NPL: variants seen among roughly 807,000 people sequenced by gnomAD.
NPL encodes N-acetylneuraminate lyase.
Under a neutral mutation model 41.1 loss-of-function variants are expected in NPL, and 32 were observed. The observed-to-expected ratio is 0.78, with a 90% confidence interval of 0.59 to 1.05. The LOEUF (loss-of-function observed/expected upper bound fraction) is 1.05. Among genes scored for constraint, NPL ranks in the 50% least tolerant of loss-of-function variants. NPL has a pLI of 0.00. For missense variants in NPL, 321 were observed against 378.4 expected, an observed-to-expected ratio of 0.85 and a Z score of 1.26; for synonymous variants, 128 against 134.9, an observed-to-expected ratio of 0.95 and a Z score of 0.35.
intron 4 of NPL, among the ~76,000 whole-genome samples, chr1:182,805,848 T>C (rs1483871070): frequency 3.9e-5 from 6 of 152,202 alleles, no homozygotes; most frequent in African/African-American, 1.2e-4. Flanking sequence ...AACTGGGTAG[T>C]GTGTTTGGAG....
intron 3 of NPL, among the ~76,000 whole-genome samples, chr1:182,803,182 C>A (rs1666901173): frequency 6.6e-6 from 1 of 152,120 alleles, no homozygotes; most frequent in Non-Finnish European, 1.5e-5. Context: ...ATAATGGCCT[C>A]CAGCGATGAA....
intron 3 of NPL, among the ~76,000 whole-genome samples, chr1:182,803,491 G>A (rs1041816587): frequency 6.6e-6 from 1 of 152,168 alleles, no homozygotes; most frequent in African/African-American, 2.4e-5. Flanking sequence ...GCTCACAGAA[G>A]TGAGGCATAC....
In NPL at chr1:182,803,766, T is replaced by G. The variant is rs1666922411; in HGVS notation, c.137T>G (p.Ile46Ser). The G allele has an allele frequency of 5.6e-6, 9 of 1,609,592 alleles. No homozygotes were observed. The highest frequency in any genetic ancestry group is 7.7e-6 in the Non-Finnish European group (9 of 1,175,872). Residue 46 changes from isoleucine to serine, a missense_variant, in exon 4 of 13, where the codon ATT becomes AGT. Coordinates refer to ENST00000367553, the MANE Select transcript of NPL (RefSeq NM_030769.3). The stretch of plus-strand genomic sequence containing the variant: ...GTGAAAGAACAGGGAGTGAAGAACA[T>G]TTTTGGTAAGTCAACTCTGGGGATG... ...YLVKEQGVKN[I>S]FVNGTTGEGL...
chr1:182,823,097 G>A (rs539874609), intron 11 of NPL, among the ~76,000 whole-genome samples: 1 of 152,366 alleles, frequency 6.6e-6, no homozygotes, highest in East Asian at 1.9e-4. Flanking sequence ...AAGTAGGGTG[G>A]ATATGAGAGC....
intron 4 of NPL, among the ~76,000 whole-genome samples, chr1:182,804,188 T>G (rs1666936880): frequency 6.6e-6 from 1 of 152,200 alleles, no homozygotes; most frequent in African/African-American, 2.4e-5. Flanking sequence ...TGGAATGCAG[T>G]GGCACCATCA....
chr1:182,801,387 G>A (rs1666842155), intron 3 of NPL, among the ~76,000 whole-genome samples: 1 of 152,184 alleles, frequency 6.6e-6, no homozygotes, highest in African/African-American at 2.4e-5. Flanking sequence ...AGGGAGAGAG[G>A]TGAGGGTAGG....
chr1:182,790,882 A>T (rs770245631), intron 1 of NPL, among the ~76,000 whole-genome samples: 3 of 152,184 alleles, frequency 2.0e-5, no homozygotes, highest in Non-Finnish European at 4.4e-5. Flanking sequence ...ACCTCAGGTG[A>T]TCCGCCCACC....
chr1:182,804,842 TC>T (rs1264731555), intron 4 of NPL, among the ~76,000 whole-genome samples: 2 of 152,100 alleles, frequency 1.3e-5, no homozygotes, highest in African/African-American at 4.8e-5. Flanking sequence ...CCACTCAATG[TC>T]CCTCTACAGC....
At chr1:182,803,586 G>A in intron 3 of NPL, 112 bp from the exon 4 acceptor site, 1 of 753,512 alleles carries the variant, frequency 1.3e-6, no homozygotes, top group Non-Finnish European at 2.4e-6. Flanking sequence ...TTCACAAATT[G>A]AGTGGATTTT....
At chr1:182,796,498 A>T (rs1252364172) in intron 3 of NPL, among the ~76,000 whole-genome samples, 1 of 152,244 alleles carries the variant, frequency 6.6e-6, no homozygotes, top group African/African-American at 2.4e-5. Flanking sequence ...TGGCATGTAC[A>T]TATACATATC....
chr1:182,828,115 G>A lies in NPL; in HGVS notation c.779-609G>A, dbSNP rs1336186980. Among the ~76,000 whole-genome samples, 1 of 152,022 alleles carries A rather than the reference G, an allele frequency of 6.6e-6. No homozygotes were observed. The highest frequency in any genetic ancestry group is 1.5e-5 in the Non-Finnish European group (1 of 67,998). On this transcript the variant is annotated intron_variant, in intron 12 of 12. Transcript: ENST00000367553. The surrounding 1 kb of genome is among the most constrained non-coding windows in gnomAD (Gnocchi z 4.0). ...CTTTATCCCCAGACCAGTGGGCTGG[G>A]TTTTTTTCTATTGCTTTTTACAGAA...
At chr1:182,802,811 A>T (rs958423586) in intron 3 of NPL, among the ~76,000 whole-genome samples, 1 of 152,232 alleles carries the variant, frequency 6.6e-6, no homozygotes. Flanking sequence ...TCAGATCCTT[A>T]CAAGGTTAGT....
At position 182,829,074 on chromosome 1, in the gene NPL, G is replaced by A. The variant is rs1447698836; in HGVS notation, c.*166G>A. On this transcript the variant is annotated 3_prime_UTR_variant, in exon 13 of 13. Coordinates refer to ENST00000367553, the MANE Select transcript of NPL (RefSeq NM_030769.3). ...TGTGAGCCTTAAAAAGTCTTATTTT[G>A]TGAAGGGGCAAAAACTCTAGGAGTC... 2.3e-5 allele frequency: 33 copies of A among 1,443,724 alleles called. No homozygotes were observed. The highest frequency in any genetic ancestry group is 2.7e-5 in the Non-Finnish European group (30 of 1,105,486). 89.4% of individuals were successfully genotyped at this position (1,443,724 alleles called of 1,614,324 possible).
Position 182,825,834 on chromosome 1 carries a change from A to G in NPL, c.778+14A>G. ...TTGTCAAACTAGGTAAGTGCCACCC[A>G]TCTTCTGCTTTGTCTGCTGCTGGAG... is the stretch of plus-strand genomic sequence containing the variant. On this transcript the variant is annotated intron_variant, in intron 12 of 12. Coordinates refer to ENST00000367553, the MANE Select transcript of NPL (RefSeq NM_030769.3). The G allele has an allele frequency of 1.3e-6, 2 of 1,595,684 alleles. No homozygotes were observed. Among genetic ancestry groups the G allele is most frequent in the South Asian group, 1.1e-5 (1 of 90,680 alleles).
At chr1:182,803,443 G>A (rs1247998987) in intron 3 of NPL, among the ~76,000 whole-genome samples, 2 of 152,162 alleles carry the variant, frequency 1.3e-5, no homozygotes, top group African/African-American at 4.8e-5. Flanking sequence ...GTCATGAGGT[G>A]TAAATATAAA....
At chr1:182,810,021 A>G (rs1201713322) in intron 5 of NPL, 2 of 152,164 alleles carry the variant, frequency 1.3e-5, no homozygotes, top group Non-Finnish European at 2.9e-5. Flanking sequence ...ATCCTTTAAA[A>G]ATACAAACCT....
rs146992913 is a variant in NPL at position 182,829,691 on chromosome 1, C to G, written c.*783C>G. 1 of 1,448,628 alleles carries G rather than the reference C, an allele frequency of 6.9e-7. No homozygotes were observed. The highest frequency in any genetic ancestry group is 1.4e-5 in the African/African-American group (1 of 71,018). The allele number at this position is 1,448,628 out of a possible 1,614,324, so 89.7% of individuals were successfully genotyped here. A position where few individuals can be genotyped will look rare whatever the true frequency, so the allele number is the denominator to read the frequency against. Reference sequence around the variant, plus strand: ...CCTTCCTCCACTGAGAAGACTGTCTCTCCCGCAGGACCCTGAATTATTGAA... The same window carrying G: ...CCTTCCTCCACTGAGAAGACTGTCTGTCCCGCAGGACCCTGAATTATTGAA... On this transcript the variant is annotated 3_prime_UTR_variant, in exon 13 of 13. Transcript: ENST00000367553.
At chr1:182,811,511 G>T (rs1035271058) in intron 5 of NPL, among the ~76,000 whole-genome samples, 1 of 152,080 alleles carries the variant, frequency 6.6e-6, no homozygotes. Context: ...TTATAGATAT[G>T]AGCCACTGCA....
At chr1:182,811,499 G>A (rs535330091) in intron 5 of NPL, among the ~76,000 whole-genome samples, 1 of 152,186 alleles carries the variant, frequency 6.6e-6, no homozygotes, top group South Asian at 2.1e-4. Flanking sequence ...AAACTGCTGG[G>A]ATTATAGATA....
Sources: allele counts gnomAD v4.1 joint callset (sites outside exome capture counted in the v4.1 genomes callset), GRCh38; gene constraint gnomAD v4.1.1; non-coding constraint Gnocchi (gnomAD v3.1); transcripts MANE v1.5; gene names NCBI Gene and HGNC (gene_info 2026-07-23, HGNC 2026-07-21).